The following SBF2 variants were observed in gnomAD, a reference collection of about 807,000 sequenced individuals.
The protein encoded by SBF2 is SET binding factor 2, also known as myotubularin-related protein 13.
Under a neutral mutation model 225.2 loss-of-function variants are expected in SBF2, and 112 were observed. The ratio of observed to expected loss-of-function variants is 0.50; its 90% CI spans 0.43 to 0.58. The LOEUF is 0.58. Among genes scored for constraint, SBF2 ranks in the 20% least tolerant of loss-of-function variants. The pLI is 0.00. For missense variants in SBF2, 1,996 were observed against 2,206.2 expected (o/e 0.90, Z 1.91); for synonymous variants, 763 against 773.3 (o/e 0.99, Z 0.22).
chr11:10,211,543 T>C (rs117549757), intron 1 of SBF2, among the ~76,000 whole-genome samples: 9 of 152,336 alleles, frequency 5.9e-5, no homozygotes, highest in East Asian at 5.8e-4. Context: ...TCATGTCCCA[T>C]CATCAGCTGT....
In SBF2 at chr11:10,046,536, A is replaced by C. The variant is rs576998721; in HGVS notation, c.142-3555T>G. 2.0e-5 allele frequency among the ~76,000 whole-genome samples: 3 copies of C among 152,284 alleles called. No homozygotes were observed. The East Asian group carries it at 5.8e-4, about 29-fold the overall frequency. On this transcript the variant is annotated intron_variant, in intron 2 of 39. Coordinates refer to ENST00000256190, the MANE Select transcript of SBF2 (RefSeq NM_030962.4). Reference sequence around the variant, plus strand: ...ATCATGTGATCATACCAATAGATGCAGAAAATGCATTTGACAAAATCCAAT... The same window carrying C: ...ATCATGTGATCATACCAATAGATGCCGAAAATGCATTTGACAAAATCCAAT...
intron 9 of SBF2, among the ~76,000 whole-genome samples, chr11:9,997,696 T>C (rs975715243): frequency 2.0e-5 from 3 of 152,152 alleles, no homozygotes; most frequent in Non-Finnish European, 4.4e-5. Flanking sequence ...GAGAATGGTG[T>C]GAACCCGGGA....
intron 16 of SBF2, chr11:9,960,111 C>T (rs1479913326): frequency 1.7e-5 from 3 of 176,558 alleles, no homozygotes; most frequent in Non-Finnish European, 3.6e-5. Flanking sequence ...TCTCCTATCT[C>T]AGCTACCTGA....
At chr11:10,301,578 G>A (rs939453721) in intron 1 of SBF2, among the ~76,000 whole-genome samples, 8 of 152,156 alleles carry the variant, frequency 5.3e-5, no homozygotes, top group African/African-American at 1.9e-4. Context: ...GATAAAGGAG[G>A]CATCTGAGAT....
intron 16 of SBF2, among the ~76,000 whole-genome samples, chr11:9,938,790 T>C (rs1220353312): frequency 6.6e-6 from 1 of 152,032 alleles, no homozygotes; most frequent in Non-Finnish European, 1.5e-5. Flanking sequence ...ACAACATATA[T>C]ATCTTGATGA....
At chr11:10,022,477 A>G (rs1180569275) in intron 6 of SBF2, among the ~76,000 whole-genome samples, 2 of 152,178 alleles carry the variant, frequency 1.3e-5, no homozygotes, top group South Asian at 2.1e-4. Context: ...TAAAACACAG[A>G]TATAGAAAAC....
intron 2 of SBF2, among the ~76,000 whole-genome samples, chr11:10,078,159 G>A (rs1469972976): frequency 2.0e-5 from 3 of 152,192 alleles, no homozygotes; most frequent in African/African-American, 4.8e-5. Context: ...AGAGGATATG[G>A]AGAAATAGAA....
At chr11:9,926,325 T>TTC (rs1864042752) in intron 16 of SBF2, among the ~76,000 whole-genome samples, 1 of 152,046 alleles carries the variant, frequency 6.6e-6, no homozygotes, top group Non-Finnish European at 1.5e-5. Flanking sequence ...ATAAAAAAAA[T>TTC]TGTCTTTTTT....
rs544091616 is a variant in SBF2 at position 9,895,965 on chromosome 11, G to T, written c.1907C>A (p.Pro636His). Residue 636 changes from proline to histidine, a missense_variant, in exon 17 of 40, where the codon CCT (proline) becomes CAT (histidine). Transcript: ENST00000256190. ...EEYNIAAALL[P>H]LTSAFYRKLA... ...TACCCTATAGAAAGCACTGGTCAAAGGGAGTAATGCTGCGGCAATGTTGTA... is the reference window on the plus strand; with the variant it reads ...TACCCTATAGAAAGCACTGGTCAAATGGAGTAATGCTGCGGCAATGTTGTA... The T allele has an allele frequency of 1.6e-5, 26 of 1,613,062 alleles. No individual in the cohort carries two copies. In the African/African-American group the frequency reaches 2.4e-4, roughly 15 times the overall value.
At chr11:10,061,338 C>G (rs1950436640) in intron 2 of SBF2, among the ~76,000 whole-genome samples, 1 of 151,950 alleles carries the variant, frequency 6.6e-6, no homozygotes, top group South Asian at 2.1e-4. Flanking sequence ...GAATTCCCAG[C>G]CAGAGCAATC....
chr11:9,871,239 T>C (rs955871043), intron 17 of SBF2, among the ~76,000 whole-genome samples: 2 of 151,756 alleles, frequency 1.3e-5, no homozygotes, highest in Non-Finnish European at 2.9e-5. Flanking sequence ...ATTTTTGCAA[T>C]CTATCCATCT....
chr11:9,849,656 G>A lies in SBF2; in HGVS notation c.2806+367C>T, dbSNP rs368187349. On this transcript the variant is annotated intron_variant, in intron 22 of 39. Coordinates refer to ENST00000256190, the MANE Select transcript of SBF2 (RefSeq NM_030962.4). Reference sequence around the variant, plus strand: ...CTTCCACAAAAAGGTTCAAGTATCTGCAAGACCTTAGTTTTACAGTTAACT... The same window carrying A: ...CTTCCACAAAAAGGTTCAAGTATCTACAAGACCTTAGTTTTACAGTTAACT... Among the ~76,000 whole-genome samples, 332 of 152,312 alleles carry A rather than the reference G, an allele frequency of 2.2e-3. 1 individual carries two copies. The highest frequency in any genetic ancestry group is 7.5e-3 in the African/African-American group (311 of 41,564).
Position 9,781,500 on chromosome 11 carries a change from A to AACTT in SBF2, c.5451+3_5451+6dup, listed in dbSNP as rs1428808794. The AACTT allele has an allele frequency of 1.2e-6, 2 of 1,614,084 alleles. No homozygotes were observed. The highest frequency in any genetic ancestry group is 1.7e-6 in the Non-Finnish European group (2 of 1,180,028). On this transcript the variant is annotated splice_region_variant and intron_variant, in intron 39 of 39. Coordinates refer to ENST00000256190, the MANE Select transcript of SBF2 (RefSeq NM_030962.4). ...GAGCCAGGAAAAGAGAAGTAAGATCAACTTACATCAAAGAAAGCCTTGTCA... is the reference window on the plus strand; with the variant it reads ...GAGCCAGGAAAAGAGAAGTAAGATCAACTTACTTACATCAAAGAAAGCCTTGTCA...
intron 22 of SBF2, among the ~76,000 whole-genome samples, chr11:9,848,945 A>G (rs1341241657): frequency 6.6e-6 from 1 of 152,240 alleles, no homozygotes; most frequent in Non-Finnish European, 1.5e-5. Flanking sequence ...AAGAGAATAC[A>G]TTTTATATAT....
At chr11:9,945,129 C>A (rs1485492523) in intron 16 of SBF2, among the ~76,000 whole-genome samples, 1 of 151,750 alleles carries the variant, frequency 6.6e-6, no homozygotes, top group Non-Finnish European at 1.5e-5. Flanking sequence ...TCATATGGGA[C>A]CAAAAAAAAG....
chr11:10,027,277 G>T (rs1344688032), intron 6 of SBF2, among the ~76,000 whole-genome samples: 1 of 152,172 alleles, frequency 6.6e-6, no homozygotes. Flanking sequence ...TAGCTGGAAA[G>T]AATTACTTTG....
At chr11:10,093,323 A>G (rs1355158945) in intron 2 of SBF2, among the ~76,000 whole-genome samples, 1 of 151,606 alleles carries the variant, frequency 6.6e-6, no homozygotes, top group East Asian at 1.9e-4. Flanking sequence ...CCTACAATTC[A>G]TAATTTTAGA....
chr11:9,824,927 T>G (rs1854980538), intron 28 of SBF2, among the ~76,000 whole-genome samples: 3 of 152,122 alleles, frequency 2.0e-5, no homozygotes, highest in Admixed American at 2.0e-4. Flanking sequence ...CTAGGAACCT[T>G]AGGAAAAAAA....
intron 1 of SBF2, among the ~76,000 whole-genome samples, chr11:10,265,169 A>C (rs1961851652): frequency 6.6e-6 from 1 of 152,180 alleles, no homozygotes; most frequent in South Asian, 2.1e-4. Context: ...TGTCTTCCAC[A>C]ATGGTTGAAC....
Sources: allele counts gnomAD v4.1 joint callset (sites outside exome capture counted in the v4.1 genomes callset), GRCh38; gene constraint gnomAD v4.1.1; transcripts MANE v1.5; gene names NCBI Gene and HGNC (gene_info 2026-07-23, HGNC 2026-07-21).